The following CLVS1 variants were observed in gnomAD, a reference collection of about 807,000 sequenced individuals.
CLVS1 encodes the protein clavesin 1, also known as clavesin-1.
CLVS1 carries 10 observed loss-of-function variants against 33.1 expected under a neutral mutation model. The observed-to-expected ratio is 0.30, with a 90% CI of 0.19 to 0.51. CLVS1 has a LOEUF of 0.51. CLVS1 is among the 20% of genes least tolerant of loss of function. The pLI is 0.97. For missense variants in CLVS1, 343 were observed against 433.4 expected (o/e 0.79, Z 1.85); for synonymous variants, 163 against 166.1 (o/e 0.98, Z 0.14).
upstream of CLVS1, among the ~76,000 whole-genome samples, chr8:61,054,338 C>T (rs1003161891): frequency 2.8e-4 from 42 of 152,216 alleles, no homozygotes; most frequent in African/African-American, 8.4e-4. Flanking sequence ...CACCCGTGAC[C>T]CAAGAGGTGG....
At chr8:61,333,179 A>G (rs779003726) in intron 2 of CLVS1, among the ~76,000 whole-genome samples, 27 of 152,238 alleles carry the variant, frequency 1.8e-4, no homozygotes, top group Non-Finnish European at 3.7e-4. Flanking sequence ...GTTCAAAAAT[A>G]TCCTTTCAGT....
chr8:61,186,583 T>G (rs3845282), intron 2 of CLVS1, among the ~76,000 whole-genome samples: 55,800 of 151,516 alleles, frequency 0.37, 12,879 homozygotes, highest in Middle Eastern at 0.6. Context: ...GTGGTTTTGC[T>G]AGGTGGAAAG....
chr8:61,480,730 T>A (rs1003624255), intron 5 of CLVS1, among the ~76,000 whole-genome samples: 1 of 151,998 alleles, frequency 6.6e-6, no homozygotes, highest in African/African-American at 2.4e-5. Context: ...GGCTCCACCC[T>A]CAGGGCAAGT....
chr8:61,352,887 A>C (rs1441824403), intron 2 of CLVS1, among the ~76,000 whole-genome samples: 1 of 152,098 alleles, frequency 6.6e-6, no homozygotes, highest in Non-Finnish European at 1.5e-5. Context: ...AGTAATCTAG[A>C]AATGATTTAA....
intron 3 of CLVS1, among the ~76,000 whole-genome samples, chr8:61,412,014 T>C (rs12546667): frequency 0.66 from 100,946 of 152,010 alleles, 34,966 homozygotes; most frequent in Admixed American, 0.75. Flanking sequence ...AAGCCTTCAC[T>C]GAGACAGGGT....
At chr8:61,463,350 A>AG (rs398095826) in intron 5 of CLVS1, among the ~76,000 whole-genome samples, 1 of 30,982 alleles carries the variant, frequency 3.2e-5, no homozygotes, top group East Asian at 3.3e-3. Context: ...TTGTGTGTTC[A>AG]CTGAAGTAGC....
In CLVS1 at chr8:61,410,066, G is replaced by GTTTTTT. The variant is rs201195565; in HGVS notation, c.630+33301_630+33306dup. ...ATTTGTCCTGGCTTTACTTGCAGAG[G>GTTTTTT]TTTTTTTTTTTTTTTTTTTCTTTGT... On this transcript the variant is annotated intron_variant, in intron 3 of 5. Transcript: ENST00000325897. 8.0e-3 allele frequency among the ~76,000 whole-genome samples: 849 copies of GTTTTTT among 106,760 alleles called. 11 individuals carry two copies. Among genetic ancestry groups the GTTTTTT allele is most frequent in the African/African-American group, 0.021 (616 of 29,320 alleles). 70.0% of individuals were successfully genotyped at this position (106,760 alleles called of 152,430 possible).
At chr8:61,179,082 G>GT (rs1440486729) in intron 2 of CLVS1, among the ~76,000 whole-genome samples, 2 of 152,174 alleles carry the variant, frequency 1.3e-5, no homozygotes, top group Non-Finnish European at 2.9e-5. Flanking sequence ...ACCCATTGGT[G>GT]TGCTGTGTTT....
At chr8:61,050,769 C>T in the CLVS1 span, among the ~76,000 whole-genome samples, 1 of 152,254 alleles carries the variant, frequency 6.6e-6, no homozygotes, top group Non-Finnish European at 1.5e-5. Flanking sequence ...TCCTTCCTCG[C>T]CTTTGGCACC....
Position 61,471,608 on chromosome 8 carries a change from G to A in CLVS1, c.977+13066G>A, listed in dbSNP as rs188170462. ...CCCAGAGCATGGCCAAGCACGTTGG[G>A]AGCGGGCCACAGAAAGCAAAGCCAA... On this transcript the variant is annotated intron_variant, in intron 5 of 5. Coordinates refer to ENST00000325897, the MANE Select transcript of CLVS1 (RefSeq NM_173519.3). Among the ~76,000 whole-genome samples, 309 of 152,210 alleles carry A rather than the reference G, an allele frequency of 2.0e-3. 1 individual carries two copies. The highest frequency in any genetic ancestry group is 3.6e-3 in the Non-Finnish European group (245 of 68,012).
At chr8:61,029,290 C>T in the CLVS1 span, among the ~76,000 whole-genome samples, 5 of 152,176 alleles carry the variant, frequency 3.3e-5, no homozygotes, top group Admixed American at 6.5e-5. Context: ...CACCTGGTGT[C>T]GGTGAGGCAT....
intron 2 of CLVS1, among the ~76,000 whole-genome samples, chr8:61,230,993 C>T (rs1808420420): frequency 6.6e-6 from 1 of 152,136 alleles, no homozygotes; most frequent in Admixed American, 6.5e-5. Context: ...GACCTAATCA[C>T]CTCCCAGAGC....
chr8:61,004,927 T>G, the CLVS1 span, among the ~76,000 whole-genome samples: 2 of 151,630 alleles, frequency 1.3e-5, no homozygotes, highest in Non-Finnish European at 2.9e-5. Flanking sequence ...GTTTTTTGTT[T>G]GTTTGTTTTT....
chr8:61,494,566 G>A (rs1299709492), intron 5 of CLVS1, among the ~76,000 whole-genome samples: 1 of 152,096 alleles, frequency 6.6e-6, no homozygotes, highest in African/African-American at 2.4e-5. Context: ...GAGTGATCTG[G>A]ACAACAAAGC....
intron 2 of CLVS1, among the ~76,000 whole-genome samples, chr8:61,228,903 T>C (rs1417927821): frequency 1.3e-5 from 2 of 152,188 alleles, no homozygotes; most frequent in Non-Finnish European, 2.9e-5. Context: ...CTTTCGGATA[T>C]ATATATATCC....
chr8:61,394,266 G>C (rs976138365), intron 3 of CLVS1, among the ~76,000 whole-genome samples: 3 of 152,150 alleles, frequency 2.0e-5, no homozygotes, highest in Non-Finnish European at 2.9e-5. Context: ...TGCTTGAGTT[G>C]GTTGGCCCAG....
At chr8:61,217,591 A>G (rs1006029495) in intron 2 of CLVS1, among the ~76,000 whole-genome samples, 1 of 152,274 alleles carries the variant, frequency 6.6e-6, no homozygotes. Context: ...AAACTGGCCT[A>G]GGAAAAGATT....
chr8:61,056,790 A>G (rs1459109325), upstream of CLVS1, among the ~76,000 whole-genome samples: 2 of 152,214 alleles, frequency 1.3e-5, no homozygotes, highest in Non-Finnish European at 2.9e-5. Flanking sequence ...TCAGATTAAC[A>G]CTTCCCATCT....
At chr8:61,044,655 A>G in the CLVS1 span, among the ~76,000 whole-genome samples, 1 of 152,202 alleles carries the variant, frequency 6.6e-6, no homozygotes, top group Non-Finnish European at 1.5e-5. Flanking sequence ...TATTGACATG[A>G]GCTGAAAATG....
Sources: allele counts gnomAD v4.1 joint callset (sites outside exome capture counted in the v4.1 genomes callset), GRCh38; gene constraint gnomAD v4.1.1; transcripts MANE v1.5; gene names NCBI Gene and HGNC (gene_info 2026-07-23, HGNC 2026-07-21).